The following NLGN4X variants were observed in gnomAD, a reference collection of about 807,000 sequenced individuals.
The protein encoded by NLGN4X is neuroligin-4, X-linked.
NLGN4X carries 3 observed loss-of-function variants against 40.3 expected under a neutral mutation model. The ratio of observed to expected loss-of-function variants is 0.07; its 90% CI spans 0.03 to 0.19. The LOEUF is 0.19. Ranked by LOEUF, NLGN4X falls within the 10% of genes least tolerant of loss-of-function variation. The pLI, the probability that NLGN4X is intolerant of heterozygous loss-of-function variation, is 1.00. For missense variants in NLGN4X, 382 were observed against 708.3 expected (o/e 0.54, Z 5.23); for synonymous variants, 270 against 306.8 (o/e 0.88, Z 1.25).
chrX:6,224,414 G>T (rs1490666179), intron 1 of NLGN4X, among the ~76,000 whole-genome samples: 1 of 112,065 alleles, frequency 8.9e-6, no homozygotes, highest in Non-Finnish European at 1.9e-5. Context: ...AGTCTCTGTT[G>T]CGGAGTCAGT....
chrX:6,080,181 G>A (rs771671011), intron 2 of NLGN4X, among the ~76,000 whole-genome samples: 24 of 109,921 alleles, frequency 2.2e-4, no homozygotes, highest in South Asian at 3.8e-4. Context: ...GAGGAAAAAA[G>A]GAATACATGA....
chrX:6,019,293 A>T (rs750172921), intron 3 of NLGN4X, among the ~76,000 whole-genome samples: 1 of 112,016 alleles, frequency 8.9e-6, no homozygotes, highest in Non-Finnish European at 1.9e-5. Flanking sequence ...GTGCTATTAC[A>T]GGCGGGTAGG....
At chrX:6,220,494 T>C (rs1026564214) in intron 1 of NLGN4X, among the ~76,000 whole-genome samples, 1 of 106,651 alleles carries the variant, frequency 9.4e-6, no homozygotes, top group Admixed American at 1.0e-4. Flanking sequence ...ACAATATTGA[T>C]GGACAAGAGA....
intron 3 of NLGN4X, among the ~76,000 whole-genome samples, chrX:5,980,659 T>A (rs1320473756): frequency 9.1e-6 from 1 of 110,196 alleles, no homozygotes; most frequent in Non-Finnish European, 1.9e-5. Flanking sequence ...AAAAAAATCA[T>A]TCCTGCATAG....
At chrX:6,167,082 A>T (rs1216385998) in intron 1 of NLGN4X, among the ~76,000 whole-genome samples, 1 of 107,015 alleles carries the variant, frequency 9.3e-6, no homozygotes, top group Non-Finnish European at 1.9e-5. Context: ...AAAAAAAAAA[A>T]AAAAAAAAAG....
intron 2 of NLGN4X, among the ~76,000 whole-genome samples, chrX:6,084,587 T>C (rs1436638039): frequency 4.5e-5 from 5 of 109,917 alleles, no homozygotes; most frequent in Non-Finnish European, 9.5e-5. Context: ...GAGGAGAGAG[T>C]GTAAATGGGT....
intron 2 of NLGN4X, among the ~76,000 whole-genome samples, chrX:6,030,311 G>GT (rs1227537594): frequency 1.8e-5 from 2 of 109,931 alleles, no homozygotes; most frequent in Admixed American, 1.9e-4. Flanking sequence ...AAAAAGACCT[G>GT]TTTTATAACA....
chrX:6,141,575 G>C (rs1397319569), intron 2 of NLGN4X, among the ~76,000 whole-genome samples: 1 of 111,713 alleles, frequency 9.0e-6, no homozygotes, highest in Non-Finnish European at 1.9e-5. Context: ...TGTAATCCCA[G>C]CACTTTGGGA....
chrX:6,055,358 C>T (rs2037595367), intron 2 of NLGN4X, among the ~76,000 whole-genome samples: 1 of 111,725 alleles, frequency 9.0e-6, no homozygotes. Flanking sequence ...AATTAGTTGG[C>T]CATGGTGGCA....
At chrX:5,989,223 CA>C (rs2035616286) in intron 3 of NLGN4X, among the ~76,000 whole-genome samples, 1 of 111,342 alleles carries the variant, frequency 9.0e-6, no homozygotes, top group Non-Finnish European at 1.9e-5. Context: ...TGGCTGTATC[CA>C]AATATAAATG....
At chrX:5,926,872 C>T (rs772610113) in intron 3 of NLGN4X, among the ~76,000 whole-genome samples, 1 of 108,257 alleles carries the variant, frequency 9.2e-6, no homozygotes, top group Non-Finnish European at 1.9e-5. Flanking sequence ...AGAGAGAATA[C>T]AGATATTCTT....
chrX:5,913,017 G>A (rs1171373575), intron 3 of NLGN4X, among the ~76,000 whole-genome samples: 6 of 63,712 alleles, frequency 9.4e-5, no homozygotes, highest in African/African-American at 3.9e-4. Context: ...GAGGGAGGGA[G>A]GGAAGGAAGT....
rs1285314764 is a variant in NLGN4X at position 5,903,533 on chromosome X, C to T, written c.1145G>A (p.Gly382Asp). ...CACACCGTCCTCGTTATCCACGATGCCGTCCACGAACTTCAGGCCTTCCCC... is the reference window on the plus strand; with the variant it reads ...CACACCGTCCTCGTTATCCACGATGTCGTCCACGAACTTCAGGCCTTCCCC... ...NQGEGLKFVD[G>D]IVDNEDGVTP... The change falls in exon 5 of 6, where the codon GGC (glycine) becomes GAC (aspartate). Residue 382 changes from glycine (G) to aspartate (D), a missense_variant. Around this residue, in one of 5 missense-constraint regions of NLGN4X, gnomAD observed 149 missense variants for 375.8 expected, o/e 0.40. Transcript: ENST00000381095. The T allele has an allele frequency of 8.3e-6, 10 of 1,209,823 alleles. No individual in the cohort carries two copies. Among genetic ancestry groups the T allele is most frequent in the Non-Finnish European group, 1.0e-5 (9 of 894,286 alleles).
At chrX:6,182,660 T>C (rs1226643310) in intron 1 of NLGN4X, among the ~76,000 whole-genome samples, 1 of 111,351 alleles carries the variant, frequency 9.0e-6, no homozygotes, top group Admixed American at 9.5e-5. Context: ...GTGAGCCCAG[T>C]GGCATTACAA....
At chrX:5,945,935 G>A (rs1298946471) in intron 3 of NLGN4X, among the ~76,000 whole-genome samples, 2 of 111,357 alleles carry the variant, frequency 1.8e-5, no homozygotes, top group African/African-American at 6.5e-5. Flanking sequence ...CAAGCACATG[G>A]GCAGAATATT....
At chrX:6,030,966 G>C (rs189543001) in intron 2 of NLGN4X, among the ~76,000 whole-genome samples, 281 of 111,860 alleles carry the variant, frequency 2.5e-3, no homozygotes, top group African/African-American at 8.7e-3. Flanking sequence ...ATTTTGAAGG[G>C]CTGCTTTAAA....
chrX:6,217,794 C>T (rs1466870755), intron 1 of NLGN4X, among the ~76,000 whole-genome samples: 1 of 111,359 alleles, frequency 9.0e-6, no homozygotes, highest in African/African-American at 3.3e-5. Flanking sequence ...CTCCCTGGGT[C>T]ATCCTTACTG....
intron 2 of NLGN4X, among the ~76,000 whole-genome samples, chrX:6,084,407 G>C (rs1453761849): frequency 9.0e-6 from 1 of 111,579 alleles, no homozygotes; most frequent in Non-Finnish European, 1.9e-5. Context: ...GGAGTACTTG[G>C]GTTGATGGTG....
At chrX:6,187,866 T>C (rs1224348708) in intron 1 of NLGN4X, 1 of 112,005 alleles carries the variant, frequency 8.9e-6, no homozygotes, top group African/African-American at 3.2e-5. Context: ...GAAAAGGTAA[T>C]TGACATAAAA....
Sources: gnomAD v4.1 joint callset for allele counts (sites outside exome capture counted in the v4.1 genomes callset) on GRCh38, gnomAD v4.1.1 for gene constraint, gnomAD v4.1.1 regional missense constraint, MANE v1.5 for transcripts, NCBI Gene and HGNC (gene_info 2026-07-23, HGNC 2026-07-21) for gene names.